Variants in JAK2 observed in about 807,000 individuals in gnomAD.
The protein encoded by JAK2 is Janus kinase 2.
A neutral mutation model predicts 139.3 loss-of-function variants in JAK2; 86 were observed. The observed-to-expected ratio is 0.62, with a 90% CI of 0.52 to 0.74. The LOEUF is 0.74. Among genes scored for constraint, JAK2 ranks in the 30% least tolerant of loss-of-function variants. The pLI is 0.00. For missense variants in JAK2, 1,421 were observed against 1,360.3 expected, an observed-to-expected ratio of 1.04 and a Z score of -0.70; for synonymous variants, 490 against 437.7, an observed-to-expected ratio of 1.12 and a Z score of -1.49.
At chr9:5,077,336 T>G (rs1340071468) in intron 14 of JAK2, 117 bp from the exon 15 acceptor site, 2 of 361,042 alleles carry the variant, frequency 5.5e-6, no homozygotes, top group African/African-American at 2.1e-5. Context: ...GTTGTGAGTT[T>G]TGCCAATTTA....
intron 18 of JAK2, among the ~76,000 whole-genome samples, chr9:5,081,138 G>A (rs12554699): frequency 0.16 from 24,046 of 151,554 alleles, 2,203 homozygotes; most frequent in Middle Eastern, 0.22. Flanking sequence ...CTTGTGATCC[G>A]CCCGCCTCGG....
At chr9:5,067,578 G>C (rs1818654583) in intron 10 of JAK2, among the ~76,000 whole-genome samples, 1 of 151,730 alleles carries the variant, frequency 6.6e-6, no homozygotes, top group Non-Finnish European at 1.5e-5. Context: ...TGTAAAACTG[G>C]TAATCTATCC....
chr9:5,103,467 T>C (rs1821693296), intron 22 of JAK2, among the ~76,000 whole-genome samples: 1 of 151,872 alleles, frequency 6.6e-6, no homozygotes, highest in Admixed American at 6.6e-5. Context: ...CACACAATAA[T>C]AATGGGAGAC....
intron 3 of JAK2, among the ~76,000 whole-genome samples, chr9:5,024,650 T>C (rs1822661114): frequency 6.6e-6 from 1 of 152,200 alleles, no homozygotes; most frequent in African/African-American, 2.4e-5. Context: ...GTTTTGGTTT[T>C]CAGTGTGTTT....
At chr9:5,021,043 C>T (rs1375678261) in intron 2 of JAK2, among the ~76,000 whole-genome samples, 2 of 152,132 alleles carry the variant, frequency 1.3e-5, no homozygotes, top group East Asian at 3.8e-4. Flanking sequence ...TTGACGGGCT[C>T]TCTTGTGTCT....
At position 5,054,971 on chromosome 9, in the gene JAK2, G is replaced by T; in HGVS notation, c.936+87G>T. 6.5e-6 allele frequency: 6 copies of T among 921,534 alleles called. No individual in the cohort carries two copies. Among genetic ancestry groups the T allele is most frequent in the Non-Finnish European group, 9.7e-6 (6 of 621,106 alleles). The allele number at this position is 921,534 out of a possible 1,614,324, so 57.1% of individuals were successfully genotyped here. A position where few individuals can be genotyped will look rare whatever the true frequency, so the allele number is the denominator to read the frequency against. On this transcript the variant is annotated intron_variant, in intron 7 of 24. Coordinates refer to ENST00000381652, the MANE Select transcript of JAK2 (RefSeq NM_004972.4). This position sits in a 1 kb window ranked among gnomAD's most constrained non-coding sequence, Gnocchi z 4.9. ...AGTAATTTTAATCATTTGCAACATGGTATTGCACTTCTCCCATTTGATAGA... is the reference window on the plus strand; with the variant it reads ...AGTAATTTTAATCATTTGCAACATGTTATTGCACTTCTCCCATTTGATAGA...
intron 4 of JAK2, chr9:5,041,575 A>G (rs1050454835): frequency 3.9e-6 from 2 of 511,250 alleles, no homozygotes; most frequent in Non-Finnish European, 7.9e-6. Context: ...TACCTGCACT[A>G]CGTGCGGCGC....
intron 22 of JAK2, chr9:5,094,185 G>A (rs12340866): frequency 0.24 from 37,141 of 151,968 alleles, 4,933 homozygotes; most frequent in South Asian, 0.3. Flanking sequence ...CAAAGGACCT[G>A]ATACCGTAGG....
At chr9:5,023,608 T>G (rs1278723736) in intron 3 of JAK2, among the ~76,000 whole-genome samples, 3 of 152,210 alleles carry the variant, frequency 2.0e-5, no homozygotes, top group Non-Finnish European at 4.4e-5. Flanking sequence ...ATCTCTAACT[T>G]AACCTTTCCC....
chr9:5,000,763 T>C (rs1034835881), intron 2 of JAK2, among the ~76,000 whole-genome samples: 3 of 152,240 alleles, frequency 2.0e-5, no homozygotes, highest in African/African-American at 7.2e-5. Context: ...AGATACCATC[T>C]TCTTGTTTGA....
chr9:5,053,030 G>T (rs141347486), intron 6 of JAK2, among the ~76,000 whole-genome samples: 1 of 151,980 alleles, frequency 6.6e-6, no homozygotes, highest in Non-Finnish European at 1.5e-5. Flanking sequence ...GGAATTCCTG[G>T]AACATATGGT....
rs553915367 is a variant in JAK2 at position 5,128,429 on chromosome 9, C to T, written c.*1638C>T. Among the ~76,000 whole-genome samples, 1 of 151,786 alleles carries T rather than the reference C, an allele frequency of 6.6e-6. No homozygotes were observed. Among genetic ancestry groups the T allele is most frequent in the East Asian group, 1.9e-4 (1 of 5,182 alleles). ...AAGACTCCTCAAGGATTTGTATATG[C>T]AACACAGTAAGGAGATCTTCCATTT... On this transcript the variant is annotated 3_prime_UTR_variant, in exon 25 of 25. Coordinates refer to ENST00000381652, the MANE Select transcript of JAK2 (RefSeq NM_004972.4).
At position 5,126,668 on chromosome 9, in the gene JAK2, A is replaced by G. The variant is rs780698631; in HGVS notation, c.3292-16A>G. 2.5e-6 allele frequency: 4 copies of G among 1,573,010 alleles called. No individual in the cohort carries two copies. The highest frequency in any genetic ancestry group is 2.2e-5 in the East Asian group (1 of 44,552). ...CTTAGTGTTCATTTAATTTTGGTTT[A>G]TTTTCTCCTTTACAGATCTATATGA... On this transcript the variant is annotated splice_polypyrimidine_tract_variant and intron_variant, in intron 24 of 24. Coordinates refer to ENST00000381652, the MANE Select transcript of JAK2 (RefSeq NM_004972.4).
intron 4 of JAK2, among the ~76,000 whole-genome samples, chr9:5,032,282 C>G (rs917198716): frequency 3.3e-5 from 5 of 152,242 alleles, no homozygotes; most frequent in African/African-American, 1.2e-4. Context: ...CACCACAGCT[C>G]AAGGAGGCCT....
intron 2 of JAK2, among the ~76,000 whole-genome samples, chr9:5,013,622 CTGCCAATAA>C (rs1204532215): frequency 1.3e-5 from 2 of 152,280 alleles, no homozygotes; most frequent in East Asian, 3.9e-4. Flanking sequence ...GCTTTTCTCC[CTGCCAATAA>C]TGCCCTGTTT....
chr9:5,035,032 T>C (rs564143888), intron 4 of JAK2, among the ~76,000 whole-genome samples: 233 of 152,048 alleles, frequency 1.5e-3, no homozygotes, highest in Non-Finnish European at 1.8e-3. Flanking sequence ...ATACATGCAA[T>C]AAAAAATGAT....
chr9:5,056,720 C>G (rs1221782719), intron 8 of JAK2, among the ~76,000 whole-genome samples: 1 of 152,108 alleles, frequency 6.6e-6, no homozygotes, highest in Non-Finnish European at 1.5e-5. Context: ...GGATGATTAA[C>G]AATTATCAAC....
At chr9:5,011,898 T>C (rs991790982) in intron 2 of JAK2, among the ~76,000 whole-genome samples, 8 of 152,186 alleles carry the variant, frequency 5.3e-5, no homozygotes, top group Non-Finnish European at 2.9e-5. Flanking sequence ...CAAGTGTGGC[T>C]TTTCTGGCGT....
intron 22 of JAK2, chr9:5,112,726 CA>C: frequency 1.3e-6 from 1 of 761,484 alleles, no homozygotes; most frequent in South Asian, 3.5e-5. Context: ...ACCTGAATCC[CA>C]AAACAGCCTG....
Sources: gnomAD v4.1 joint callset for allele counts (sites outside exome capture counted in the v4.1 genomes callset) on GRCh38, gnomAD v4.1.1 for gene constraint, Gnocchi (gnomAD v3.1) non-coding constraint, MANE v1.5 for transcripts, NCBI Gene and HGNC (gene_info 2026-07-23, HGNC 2026-07-21) for gene names.